Variants in APOBEC3G observed in about 807,000 individuals in gnomAD.
APOBEC3G encodes apolipoprotein B mRNA editing enzyme catalytic subunit 3G, also known as DNA dC->dU-editing enzyme APOBEC-3G.
APOBEC3G carries 44 observed loss-of-function variants against 50.0 expected under a neutral mutation model. The observed-to-expected ratio is 0.88, with a 90% CI of 0.69 to 1.13. The LOEUF (loss-of-function observed/expected upper bound fraction) is 1.13, where lower values mean the gene tolerates loss of function less well. Among genes scored for constraint, APOBEC3G ranks in the 50% most tolerant of loss-of-function variants. APOBEC3G has a pLI of 0.00. For synonymous variants in APOBEC3G, 156 were observed against 175.3 expected (o/e 0.89, Z 0.87); for missense variants, 469 against 492.0 (o/e 0.95, Z 0.44).
At position 39,086,416 on chromosome 22, in the gene APOBEC3G, T is replaced by A; in HGVS notation, c.873T>A (p.Cys291Ter). 6.2e-7 allele frequency: 1 copy of A among 1,614,170 alleles called. No homozygotes were observed. The highest frequency in any genetic ancestry group is 2.2e-5 in the East Asian group (1 of 44,890). Residue 291 changes from cysteine to a stop codon, truncating the protein, a stop_gained, in exon 6 of 8, where the codon TGT becomes TGA. Transcript: ENST00000407997. LOFTEE classifies it high-confidence loss of function. ...CFTSWSPCFS[C>*]AQEMAKFISK... The stretch of plus-strand genomic sequence containing the variant: ...CCTCCTGGAGCCCCTGCTTCAGCTG[T>A]GCCCAGGAAATGGCTAAATTCATTT...
upstream of APOBEC3G, chr22:39,077,263 T>A (rs1479564191): frequency 1.3e-6 from 2 of 1,542,538 alleles, no homozygotes; most frequent in Non-Finnish European, 1.8e-6. Context: ...CCCTGGGAGG[T>A]CACTTTAGGG....
chr22:39,082,351 C>CAG (rs1267964224), intron 4 of APOBEC3G: 1 of 152,352 alleles, frequency 6.6e-6, no homozygotes, highest in African/African-American at 2.4e-5. Flanking sequence ...AGGCCAGGTG[C>CAG]AGAGGCTCAT....
At position 39,077,497 on chromosome 22, in the gene APOBEC3G, C is replaced by G. The variant is rs994352083; in HGVS notation, c.17+119C>G. 9.9e-6 allele frequency: 15 copies of G among 1,511,834 alleles called. No homozygotes were observed. The African/African-American group carries it at 2.1e-4, about 21-fold the overall frequency. 93.7% of individuals were successfully genotyped at this position (1,511,834 alleles called of 1,614,324 possible). On this transcript the variant is annotated intron_variant, in intron 1 of 7. Coordinates refer to ENST00000407997, the MANE Select transcript of APOBEC3G (RefSeq NM_021822.4). ...GCCCCAGCCCTGGGCTCCCTCCCCTCTGACTCCCCTGCACCCCCTACTCCC... is the reference window on the plus strand; with the variant it reads ...GCCCCAGCCCTGGGCTCCCTCCCCTGTGACTCCCCTGCACCCCCTACTCCC...
Position 39,077,319 on chromosome 22 carries a change from G to T in APOBEC3G, c.-43G>T, listed in dbSNP as rs1357485481. On this transcript the variant is annotated 5_prime_UTR_variant, in exon 1 of 8. Transcript: ENST00000407997. The stretch of plus-strand genomic sequence containing the variant: ...AGCTTGGAGCAGAAAGTGAAACCCT[G>T]GTGCTCCAGACAAAGATCTTAGTCG... 2 of 1,561,738 alleles carry T rather than the reference G, an allele frequency of 1.3e-6. No homozygotes were observed. The highest frequency in any genetic ancestry group is 2.4e-5 in the East Asian group (1 of 42,358).
chr22:39,078,469 G>A (rs1353683872), intron 1 of APOBEC3G: 2 of 157,852 alleles, frequency 1.3e-5, no homozygotes, highest in African/African-American at 4.8e-5. Context: ...CTGTGGCCTG[G>A]GCAGGTTACC....
Position 39,087,661 on chromosome 22 carries a change from A to G in APOBEC3G, c.*240A>G. ...CTAAGATTGTGCTCAATACACAGAAAAGTTTCAAACCTACTAATCCAGCGA... is the reference window on the plus strand; with the variant it reads ...CTAAGATTGTGCTCAATACACAGAAGAGTTTCAAACCTACTAATCCAGCGA... On this transcript the variant is annotated 3_prime_UTR_variant, in exon 8 of 8. Transcript: ENST00000407997. 1 of 790,006 alleles carries G rather than the reference A, an allele frequency of 1.3e-6. No homozygotes were observed. Among genetic ancestry groups the G allele is most frequent in the Non-Finnish European group, 1.9e-6 (1 of 521,332 alleles). The allele number at this position is 790,006 out of a possible 1,614,324, so 48.9% of individuals were successfully genotyped here.
intron 5 of APOBEC3G, among the ~76,000 whole-genome samples, chr22:39,084,471 G>A (rs1928610085): frequency 6.6e-6 from 1 of 152,030 alleles, no homozygotes; most frequent in Non-Finnish European, 1.5e-5. Context: ...AGCTTGCAGT[G>A]AGCCAAGATC....
At chr22:39,078,186 G>A (rs1411705509) in intron 1 of APOBEC3G, among the ~76,000 whole-genome samples, 1 of 152,120 alleles carries the variant, frequency 6.6e-6, no homozygotes, top group Non-Finnish European at 1.5e-5. Flanking sequence ...TTGAACCCAG[G>A]AGGCGGAGTT....
intron 2 of APOBEC3G, 49 bp from the exon 3 acceptor site, chr22:39,080,884 C>CCACCAG: frequency 8.1e-7 from 1 of 1,233,400 alleles, no homozygotes; most frequent in Non-Finnish European, 1.1e-6. Flanking sequence ...CCCCTGCTCT[C>CCACCAG]CTCCTGCTCC....
rs1289365589 is a variant in APOBEC3G at position 39,087,428 on chromosome 22, G to A, written c.*7G>A. ...CCAGAATCAGGAAAACTGAAGGATG[G>A]GCCTCAGTCTCTAAGGAAGGCAGAG... On this transcript the variant is annotated 3_prime_UTR_variant, in exon 8 of 8. Transcript: ENST00000407997. 1 of 1,613,904 alleles carries A rather than the reference G, an allele frequency of 6.2e-7. No homozygotes were observed. The highest frequency in any genetic ancestry group is 8.5e-7 in the Non-Finnish European group (1 of 1,179,858).
chr22:39,086,910 T>C, intron 6 of APOBEC3G, 101 bp from the exon 7 acceptor site: 2 of 1,411,794 alleles, frequency 1.4e-6, no homozygotes, highest in East Asian at 2.4e-5. Flanking sequence ...AAGGAGGGAC[T>C]GAAACCAGGA....
chr22:39,078,264 G>GA (rs367729930), intron 1 of APOBEC3G, among the ~76,000 whole-genome samples: 5,714 of 146,792 alleles, frequency 0.039, 176 homozygotes, highest in South Asian at 0.055. Context: ...CGTCTTGAAA[G>GA]AAAAAAAAAC....
intron 1 of APOBEC3G, among the ~76,000 whole-genome samples, chr22:39,078,319 T>C (rs1454939818): frequency 6.6e-6 from 1 of 151,896 alleles, no homozygotes; most frequent in East Asian, 1.9e-4. Flanking sequence ...AAAAACTCAA[T>C]GATCAGGAGG....
In APOBEC3G at chr22:39,086,323, G is replaced by A. The variant is rs748538265; in HGVS notation, c.780G>A (p.Leu260=). The change falls in exon 6 of 8, where the codon CTG becomes CTA. Residue 260 remains leucine, a synonymous_variant. Transcript: ENST00000407997. Reference sequence around the variant, plus strand: ...TCCTTGAAGGCCGCCATGCAGAGCTGTGCTTCCTGGACGTGATTCCCTTTT... The same window carrying A: ...TCCTTGAAGGCCGCCATGCAGAGCTATGCTTCCTGGACGTGATTCCCTTTT... ...HGFLEGRHAE[L]CFLDVIPFWK... is the part of the protein sequence containing the mutation. 1.9e-6 allele frequency: 3 copies of A among 1,612,688 alleles called. No individual in the cohort carries two copies. Among genetic ancestry groups the A allele is most frequent in the Non-Finnish European group, 2.5e-6 (3 of 1,178,920 alleles).
rs544370874 is a variant in APOBEC3G at position 39,087,529 on chromosome 22, A to C, written c.*108A>C. 29 of 1,600,962 alleles carry C rather than the reference A, an allele frequency of 1.8e-5. No individual in the cohort carries two copies. The East Asian group carries it at 3.1e-4, about 17-fold the overall frequency. ...GGCTGTTCACCACCATCTCCAGCTGATCACAGACACCAGCAAAGCAATGCA... is the reference window on the plus strand; with the variant it reads ...GGCTGTTCACCACCATCTCCAGCTGCTCACAGACACCAGCAAAGCAATGCA... On this transcript the variant is annotated 3_prime_UTR_variant, in exon 8 of 8. Coordinates refer to ENST00000407997, the MANE Select transcript of APOBEC3G (RefSeq NM_021822.4).
chr22:39,080,941 C>T lies in APOBEC3G; in HGVS notation c.180C>T (p.Ser60=), dbSNP rs112603901. ...DAKIFRGQVY[S]ELKYHPEMRF... ...CCCTGCTCCTCTCCCAGGTGTATTC[C>T]GAACTTAAGTACCACCCAGAGATGA... is the stretch of plus-strand genomic sequence containing the variant. The change falls in exon 3 of 8, where the codon TCC becomes TCT. Residue 60 remains serine (S), a synonymous_variant. Coordinates refer to ENST00000407997, the MANE Select transcript of APOBEC3G (RefSeq NM_021822.4). The T allele has an allele frequency of 1.7e-4, 282 of 1,612,930 alleles. 3 individuals carry two copies. In the African/African-American group the frequency reaches 2.5e-3, roughly 14 times the overall value.
At position 39,087,546 on chromosome 22, in the gene APOBEC3G, A is replaced by G. The variant is rs1204580399; in HGVS notation, c.*125A>G. 4 of 1,567,062 alleles carry G rather than the reference A, an allele frequency of 2.6e-6. No individual in the cohort carries two copies. The Admixed American group carries it at 5.1e-5, about 20-fold the overall frequency. On this transcript the variant is annotated 3_prime_UTR_variant, in exon 8 of 8. Transcript: ENST00000407997. ...TCCAGCTGATCACAGACACCAGCAA[A>G]GCAATGCACTCCTGACCAAGTAGAT...
intron 2 of APOBEC3G, chr22:39,080,044 C>CA (rs374258075): frequency 0.12 from 17,726 of 147,928 alleles, 3,126 homozygotes; most frequent in African/African-American, 0.41. Flanking sequence ...AACTCCATCT[C>CA]AAAAAAAAAA....
chr22:39,085,009 T>C (rs1480308320), intron 5 of APOBEC3G, among the ~76,000 whole-genome samples: 2 of 152,102 alleles, frequency 1.3e-5, no homozygotes, highest in African/African-American at 4.8e-5. Context: ...AAGGCACCGG[T>C]CCCCATCACT....
Sources: allele counts gnomAD v4.1 joint callset (sites outside exome capture counted in the v4.1 genomes callset), GRCh38; gene constraint gnomAD v4.1.1; transcripts MANE v1.5; gene names NCBI Gene and HGNC (gene_info 2026-07-23, HGNC 2026-07-21).